The following STK32B variants were observed in gnomAD, a reference collection of about 807,000 sequenced individuals.
STK32B encodes serine/threonine-protein kinase 32B.
STK32B carries 43 observed loss-of-function variants against 52.6 expected under a neutral mutation model. That is an observed-to-expected ratio of 0.82 (90% CI 0.64 to 1.05). The LOEUF is 1.05. STK32B is among the 50% of genes least tolerant of loss of function. STK32B has a pLI of 0.00. For synonymous variants in STK32B, 238 were observed against 204.3 expected, an observed-to-expected ratio of 1.17 and a Z score of -1.41; for missense variants, 621 against 534.6, an observed-to-expected ratio of 1.16 and a Z score of -1.59.
At chr4:5,239,322 A>T (rs1169646873) in intron 3 of STK32B, among the ~76,000 whole-genome samples, 1 of 152,142 alleles carries the variant, frequency 6.6e-6, no homozygotes, top group Admixed American at 6.5e-5. Context: ...AGGTTATCCC[A>T]GTGGAGGGAT....
intron 3 of STK32B, among the ~76,000 whole-genome samples, chr4:5,286,907 C>T (rs758277597): frequency 1.3e-5 from 2 of 150,470 alleles, no homozygotes; most frequent in Non-Finnish European, 2.9e-5. Flanking sequence ...AAGCGATTCT[C>T]CTGCCTCAGC....
the STK32B span, among the ~76,000 whole-genome samples, chr4:5,035,526 A>C: frequency 6.6e-6 from 1 of 152,118 alleles, no homozygotes; most frequent in African/African-American, 2.4e-5. Flanking sequence ...ATGTGCCTGC[A>C]CCTAACCATA....
intron 4 of STK32B, among the ~76,000 whole-genome samples, chr4:5,339,026 A>G (rs1577367991): frequency 6.6e-6 from 1 of 152,162 alleles, no homozygotes; most frequent in Admixed American, 6.5e-5. Flanking sequence ...GAGGGCCTGA[A>G]TAGAATGAAA....
intron 3 of STK32B, among the ~76,000 whole-genome samples, chr4:5,208,334 G>C (rs1722705804): frequency 6.6e-6 from 1 of 152,190 alleles, no homozygotes; most frequent in Admixed American, 6.5e-5. Context: ...ATATTGCTGA[G>C]TAGAATGATT....
chr4:5,237,245 T>C (rs1361274133), intron 3 of STK32B, among the ~76,000 whole-genome samples: 1 of 152,162 alleles, frequency 6.6e-6, no homozygotes, highest in African/African-American at 2.4e-5. Context: ...CACCATCTGA[T>C]TGGCCAGCTC....
chr4:5,293,828 G>T (rs1420064916), intron 3 of STK32B, among the ~76,000 whole-genome samples: 1 of 151,970 alleles, frequency 6.6e-6, no homozygotes, highest in African/African-American at 2.4e-5. Context: ...TTTTGCTGCA[G>T]TTGCTCTTAG....
At chr4:5,266,171 T>A (rs1348989736) in intron 3 of STK32B, among the ~76,000 whole-genome samples, 2 of 152,216 alleles carry the variant, frequency 1.3e-5, no homozygotes, top group African/African-American at 4.8e-5. Flanking sequence ...ATTTCTCTTA[T>A]TACCCAATAA....
chr4:5,145,106 G>T (rs535939965), intron 2 of STK32B, among the ~76,000 whole-genome samples: 8 of 152,140 alleles, frequency 5.3e-5, no homozygotes, highest in African/African-American at 1.4e-4. Context: ...ATACCCATAT[G>T]ATTTTTTTCT....
intron 11 of STK32B, among the ~76,000 whole-genome samples, chr4:5,491,570 C>A (rs932086895): frequency 6.6e-6 from 1 of 151,944 alleles, no homozygotes; most frequent in East Asian, 1.9e-4. Flanking sequence ...TGTGCAGAAG[C>A]TCTTTAGTTT....
intron 3 of STK32B, among the ~76,000 whole-genome samples, chr4:5,302,108 C>G (rs1027160170): frequency 6.6e-6 from 1 of 150,986 alleles, no homozygotes; most frequent in African/African-American, 2.4e-5. Context: ...TCTTACTGGT[C>G]ACTTTGGGAA....
intron 3 of STK32B, among the ~76,000 whole-genome samples, chr4:5,180,212 A>G (rs932806684): frequency 6.6e-6 from 1 of 152,240 alleles, no homozygotes; most frequent in African/African-American, 2.4e-5. Context: ...GCAGTTTGCT[A>G]TCTTGCCTGA....
At chr4:5,305,260 G>A (rs1327427081) in intron 3 of STK32B, among the ~76,000 whole-genome samples, 2 of 146,570 alleles carry the variant, frequency 1.4e-5, no homozygotes, top group Admixed American at 6.6e-5. Flanking sequence ...GTCTCAGTAG[G>A]ATTGGTCCCA....
intron 1 of STK32B, among the ~76,000 whole-genome samples, chr4:5,104,324 A>G (rs1013146327): frequency 8.5e-5 from 13 of 152,284 alleles, no homozygotes; most frequent in Admixed American, 8.5e-4. Context: ...CTCTTCCATC[A>G]TCTTCCACCA....
chr4:5,067,254 A>G (rs1454378262), intron 1 of STK32B, among the ~76,000 whole-genome samples: 1 of 152,220 alleles, frequency 6.6e-6, no homozygotes, highest in Non-Finnish European at 1.5e-5. Context: ...AACCACCCTC[A>G]TGATTCATTT....
At chr4:5,035,956 A>G in the STK32B span, among the ~76,000 whole-genome samples, 1 of 151,680 alleles carries the variant, frequency 6.6e-6, no homozygotes, top group African/African-American at 2.4e-5. Context: ...TAATTTTTGT[A>G]TTTTTAGTAG....
At chr4:5,343,689 C>T (rs909546016) in intron 4 of STK32B, among the ~76,000 whole-genome samples, 4 of 152,106 alleles carry the variant, frequency 2.6e-5, no homozygotes, top group Non-Finnish European at 5.9e-5. Flanking sequence ...TCTAAAACAC[C>T]AAAAGCAATG....
the STK32B span, among the ~76,000 whole-genome samples, chr4:5,021,102 A>G: frequency 5.3e-5 from 8 of 152,346 alleles, no homozygotes; most frequent in African/African-American, 1.9e-4. Flanking sequence ...AACCACAGGG[A>G]TGAAGCCCGG....
intron 3 of STK32B, among the ~76,000 whole-genome samples, chr4:5,233,300 T>C (rs1724403354): frequency 6.6e-6 from 1 of 152,082 alleles, no homozygotes; most frequent in Admixed American, 6.6e-5. Context: ...GAGGATGTCA[T>C]TTACCAATAT....
rs1468502513 is a variant in STK32B, at chr4:5,316,135, A to T, written c.261-15085A>T. 3.1e-4 allele frequency among the ~76,000 whole-genome samples: 30 copies of T among 98,046 alleles called. 1 individual carries two copies. The South Asian group carries it at 6.8e-3, about 22-fold the overall frequency. The allele number at this position is 98,046 out of a possible 152,430, so 64.3% of individuals were successfully genotyped here. Reference sequence around the variant, plus strand: ...AAATATATATATATATTTTCAAGTTATATATATATATAACTAAATATATAT... The same window carrying T: ...AAATATATATATATATTTTCAAGTTTTATATATATATAACTAAATATATAT... On this transcript the variant is annotated intron_variant, in intron 3 of 11. Coordinates refer to ENST00000282908, the MANE Select transcript of STK32B (RefSeq NM_018401.3).
Sources: gnomAD v4.1 joint callset for allele counts (sites outside exome capture counted in the v4.1 genomes callset) on GRCh38, gnomAD v4.1.1 for gene constraint, MANE v1.5 for transcripts, NCBI Gene and HGNC (gene_info 2026-07-23, HGNC 2026-07-21) for gene names.